The following DHX15 variants were observed in gnomAD, a reference collection of about 807,000 sequenced individuals.
DHX15 encodes the protein DEAH-box helicase 15, also known as ATP-dependent RNA helicase DHX15.
In DHX15, 11 loss-of-function variants were observed where a neutral mutation model predicts 94.4. The ratio of observed to expected loss-of-function variants is 0.12; its 90% CI spans 0.07 to 0.19. The LOEUF (loss-of-function observed/expected upper bound fraction) is 0.19, where lower values mean the gene tolerates loss of function less well. Among genes scored for constraint, DHX15 ranks in the 10% least tolerant of loss-of-function variants. The pLI is 1.00. For missense variants in DHX15, 304 were observed against 988.5 expected (o/e 0.31, Z 9.29); for synonymous variants, 338 against 329.9 (o/e 1.02, Z -0.27).
chr4:24,570,549 A>C, intron 3 of DHX15, 105 bp downstream of exon 3: 2 of 971,248 alleles, frequency 2.1e-6, no homozygotes, highest in Non-Finnish European at 3.1e-6. Context: ...ACTTTGGATA[A>C]TTCTAAATTT....
intron 2 of DHX15, among the ~76,000 whole-genome samples, chr4:24,575,569 G>T (rs1722239000): frequency 6.6e-6 from 1 of 152,150 alleles, no homozygotes; most frequent in African/African-American, 2.4e-5. Context: ...CTCATGGAAA[G>T]GTAAATTGAT....
Position 24,537,033 on chromosome 4 carries a change from A to C in DHX15, c.1909+18T>G. On this transcript the variant is annotated intron_variant, in intron 11 of 13. Coordinates refer to ENST00000336812, the MANE Select transcript of DHX15 (RefSeq NM_001358.3). This position sits in a 1 kb window ranked among gnomAD's most constrained non-coding sequence, Gnocchi z 4.7. ...GTGACATTTAGACAAGAGTGTCTCC[A>C]ATCAAATTTACACTTACTTTGTTTA... The C allele has an allele frequency of 6.2e-7, 1 of 1,610,064 alleles. No individual in the cohort carries two copies. Among genetic ancestry groups the C allele is most frequent in the East Asian group, 2.2e-5 (1 of 44,820 alleles).
chr4:24,574,683 A>G (rs1722203446), intron 2 of DHX15, among the ~76,000 whole-genome samples: 1 of 152,226 alleles, frequency 6.6e-6, no homozygotes, highest in African/African-American at 2.4e-5. Context: ...TAAGTTTCTC[A>G]TAAACTTAAA....
At chr4:24,566,848 C>A (rs1276375691) in intron 3 of DHX15, among the ~76,000 whole-genome samples, 2 of 152,020 alleles carry the variant, frequency 1.3e-5, no homozygotes, top group African/African-American at 4.8e-5. Context: ...ATAAATAAAT[C>A]CAACATCTTC....
chr4:24,528,622 C>T (rs1370500181), intron 13 of DHX15, among the ~76,000 whole-genome samples: 3 of 152,186 alleles, frequency 2.0e-5, no homozygotes, highest in Non-Finnish European at 4.4e-5. Flanking sequence ...AAAGCGGTGA[C>T]AGCACCTAGA....
At chr4:24,572,668 C>A (rs1560775142) in intron 2 of DHX15, among the ~76,000 whole-genome samples, 1 of 152,144 alleles carries the variant, frequency 6.6e-6, no homozygotes, top group Admixed American at 6.5e-5. Context: ...CAAAATAACG[C>A]TTTCTATAAA....
At chr4:24,542,449 T>A (rs977349139) in intron 7 of DHX15, among the ~76,000 whole-genome samples, 1 of 152,196 alleles carries the variant, frequency 6.6e-6, no homozygotes, top group African/African-American at 2.4e-5. Context: ...AATCAATTTA[T>A]CCAAAAGATA....
intron 5 of DHX15, among the ~76,000 whole-genome samples, chr4:24,550,621 A>G (rs904296430): frequency 2.0e-5 from 3 of 152,142 alleles, no homozygotes; most frequent in African/African-American, 7.2e-5. Flanking sequence ...GTATTAACCC[A>G]CTGGAAGGTC....
Position 24,548,956 on chromosome 4 carries a change from T to C in DHX15, c.1147A>G (p.Ile383Val), listed in dbSNP as rs372158011. ...GTAGAATACAATGGAATGATTTTAA[T>C]GTCACCAACTTCAGGGCCCAAATCA... Reference protein sequence around the residue: ...VDDLGPEVGDIKIIPLYSTLP... With the variant: ...VDDLGPEVGDVKIIPLYSTLP... The change falls in exon 6 of 14, where the codon ATT (isoleucine) becomes GTT (valine). Residue 383 changes from isoleucine (I) to valine (V), a missense_variant. By Grantham distance (29) the Ile-to-Val change is conservative. This residue lies in a region of DHX15 where 40 missense variants were observed against 107.1 expected (regional missense o/e 0.37). Transcript: ENST00000336812. The C allele has an allele frequency of 1.9e-6, 3 of 1,614,002 alleles. No homozygotes were observed. The highest frequency in any genetic ancestry group is 2.5e-6 in the Non-Finnish European group (3 of 1,179,892).
intron 3 of DHX15, among the ~76,000 whole-genome samples, chr4:24,565,676 T>C (rs1278805651): frequency 2.0e-5 from 3 of 152,210 alleles, no homozygotes; most frequent in Non-Finnish European, 4.4e-5. Context: ...CTTTATTAAA[T>C]TGGTTTTATT....
chr4:24,537,274 T>C lies in DHX15; in HGVS notation c.1787-101A>G, dbSNP rs1265302536. ...CCTAGCTAGGTCAGTTCACAGAGCA[T>C]AGGGCAGGGCAGGATGGCCTCCAAC... On this transcript the variant is annotated intron_variant, in intron 10 of 13. Coordinates refer to ENST00000336812, the MANE Select transcript of DHX15 (RefSeq NM_001358.3). The surrounding 1 kb of genome is among the most constrained non-coding windows in gnomAD (Gnocchi z 4.7). 8 of 1,523,100 alleles carry C rather than the reference T, an allele frequency of 5.3e-6. No homozygotes were observed. The highest frequency in any genetic ancestry group is 6.2e-6 in the Non-Finnish European group (7 of 1,124,436). 94.3% of individuals were successfully genotyped at this position (1,523,100 alleles called of 1,614,324 possible). A position where few individuals can be genotyped will look rare whatever the true frequency, so the allele number is the denominator to read the frequency against.
chr4:24,557,691 T>C (rs1333231162), intron 3 of DHX15, among the ~76,000 whole-genome samples: 2 of 152,160 alleles, frequency 1.3e-5, no homozygotes, highest in Admixed American at 1.3e-4. Context: ...TATAAGGTTA[T>C]TTTATGTAAG....
chr4:24,529,933 C>T (rs1721038607), intron 12 of DHX15, 163 bp from the exon 13 acceptor site: 2 of 703,236 alleles, frequency 2.8e-6, no homozygotes, highest in East Asian at 5.4e-5. Context: ...AAACTGCTGC[C>T]TGTGGGCCAA....
intron 5 of DHX15, among the ~76,000 whole-genome samples, chr4:24,553,988 G>A (rs1197896717): frequency 2.0e-5 from 3 of 152,154 alleles, no homozygotes; most frequent in Non-Finnish European, 4.4e-5. Flanking sequence ...GGAGGCCGAG[G>A]AGAGTGGATC....
intron 5 of DHX15, among the ~76,000 whole-genome samples, chr4:24,553,967 C>A (rs1721667256): frequency 6.6e-6 from 1 of 152,096 alleles, no homozygotes. Context: ...GCCTGTAATC[C>A]CAGCACTTTG....
chr4:24,559,375 TA>T (rs535455690), intron 3 of DHX15, among the ~76,000 whole-genome samples: 1,517 of 93,342 alleles, frequency 0.016, 23 homozygotes, highest in African/African-American at 0.042. Context: ...TTTAAGCCAC[TA>T]AAAAAAAAAA....
In DHX15 at chr4:24,572,772, T is replaced by G. The variant is rs888552684; in HGVS notation, c.508-1925A>C. Among the ~76,000 whole-genome samples the G allele has an allele frequency of 8.5e-5, 13 of 152,316 alleles. 1 individual carries two copies. The highest frequency in any genetic ancestry group is 6.8e-3 in the Middle Eastern group (2 of 294). Reference sequence around the variant, plus strand: ...GGATCCCTGAAATGGTTTCAAGGACTTTCAAGAACTCCCAGGCAATAGCTG... The same window carrying G: ...GGATCCCTGAAATGGTTTCAAGGACGTTCAAGAACTCCCAGGCAATAGCTG... On this transcript the variant is annotated intron_variant, in intron 2 of 13. Coordinates refer to ENST00000336812, the MANE Select transcript of DHX15 (RefSeq NM_001358.3).
chr4:24,565,259 TGTAGAGCCTCAGCAAACCAA>T (rs375592895), intron 3 of DHX15, among the ~76,000 whole-genome samples: 4 of 152,304 alleles, frequency 2.6e-5, no homozygotes, highest in Non-Finnish European at 5.9e-5. Context: ...TAACAAAACA[TGTAGAGCCTCAGCAAACCAA>T]GTTAGCTTTC....
At chr4:24,549,873 C>T (rs1411790658) in intron 5 of DHX15, among the ~76,000 whole-genome samples, 2 of 151,966 alleles carry the variant, frequency 1.3e-5, no homozygotes, top group Non-Finnish European at 2.9e-5. Flanking sequence ...GTGGGCGGAT[C>T]ACCTGAGGTT....
Sources: gnomAD v4.1 joint callset for allele counts (sites outside exome capture counted in the v4.1 genomes callset) on GRCh38, gnomAD v4.1.1 for gene constraint, gnomAD v4.1.1 regional missense constraint, Gnocchi (gnomAD v3.1) non-coding constraint, MANE v1.5 for transcripts, NCBI Gene and HGNC (gene_info 2026-07-23, HGNC 2026-07-21) for gene names.